PTPRE: variants seen among roughly 807,000 people sequenced by gnomAD.
The protein encoded by PTPRE is receptor-type tyrosine-protein phosphatase epsilon.
In PTPRE, 51 loss-of-function variants were observed where a neutral mutation model predicts 102.0. The ratio of observed to expected loss-of-function variants is 0.50; its 90% confidence interval spans 0.40 to 0.63. The LOEUF (loss-of-function observed/expected upper bound fraction) is 0.63, where lower values mean the gene tolerates loss of function less well. PTPRE is among the 30% of genes least tolerant of loss of function. The probability of loss-of-function intolerance (pLI) is 0.00; values close to 1 mark genes in which losing one functional copy is unlikely to be tolerated. For missense variants in PTPRE, 752 were observed against 915.1 expected, an observed-to-expected ratio of 0.82 and a Z score of 2.30; for synonymous variants, 345 against 348.2, an observed-to-expected ratio of 0.99 and a Z score of 0.10.
At chr10:127,989,056 A>T (rs1050701106) in intron 2 of PTPRE, among the ~76,000 whole-genome samples, 1 of 152,168 alleles carries the variant, frequency 6.6e-6, no homozygotes, top group South Asian at 2.1e-4. Context: ...AACAACTTTT[A>T]AAAAATATGT....
chr10:128,032,626 G>T (rs57684122), intron 2 of PTPRE, among the ~76,000 whole-genome samples: 123 of 152,344 alleles, frequency 8.1e-4, no homozygotes, highest in African/African-American at 2.8e-3. Flanking sequence ...TGGCCTCCCA[G>T]TGTGGCGGGA....
chr10:128,022,441 A>C (rs1405481633), intron 2 of PTPRE, among the ~76,000 whole-genome samples: 1 of 152,248 alleles, frequency 6.6e-6, no homozygotes, highest in Non-Finnish European at 1.5e-5. Context: ...GCTCGGGTCC[A>C]GAACAGGAGT....
chr10:127,970,909 C>T (rs1241996928), intron 1 of PTPRE, among the ~76,000 whole-genome samples: 3 of 152,070 alleles, frequency 2.0e-5, no homozygotes, highest in African/African-American at 4.8e-5. Flanking sequence ...CAAAAATAAA[C>T]CATCCCTCCA....
intron 2 of PTPRE, among the ~76,000 whole-genome samples, chr10:128,000,751 A>T (rs1170254794): frequency 1.3e-5 from 2 of 152,184 alleles, no homozygotes; most frequent in African/African-American, 4.8e-5. Context: ...TTTCTTTCCT[A>T]CAAAGTGAAG....
chr10:127,982,673 G>A (rs377509566), intron 2 of PTPRE, among the ~76,000 whole-genome samples: 1 of 152,128 alleles, frequency 6.6e-6, no homozygotes, highest in Non-Finnish European at 1.5e-5. Context: ...GTTCAGGAGC[G>A]CAGGGGCACA....
chr10:127,935,327 C>G (rs1847770717), intron 1 of PTPRE, among the ~76,000 whole-genome samples: 1 of 152,184 alleles, frequency 6.6e-6, no homozygotes, highest in Non-Finnish European at 1.5e-5. Context: ...AAATCAACCC[C>G]GGGGCATCTC....
At position 128,068,136 on chromosome 10, in the gene PTPRE, G is replaced by C; in HGVS notation, c.857G>C (p.Gly286Ala). The change falls in exon 12 of 21, where the codon GGC (glycine) becomes GCC (alanine). Residue 286 changes from glycine to alanine, a missense_variant. Physicochemically the swap from Gly to Ala is moderately conservative, Grantham distance 60. Transcript: ENST00000254667. ...CGTCCCCCGCAGCAGCTCCCCGACG[G>C]CTGCAAAGCCCCCAGGCTGGTCTCA... ...KFCIQPQLPD[G>A]CKAPRLVSQL... 1 of 1,612,706 alleles carries C rather than the reference G, an allele frequency of 6.2e-7. No homozygotes were observed. Among genetic ancestry groups the C allele is most frequent in the Non-Finnish European group, 8.5e-7 (1 of 1,179,170 alleles).
At chr10:127,940,226 C>T (rs1848141364) in intron 1 of PTPRE, among the ~76,000 whole-genome samples, 1 of 152,110 alleles carries the variant, frequency 6.6e-6, no homozygotes, top group South Asian at 2.1e-4. Flanking sequence ...ATCCCAGGAC[C>T]TCTCTCTAAA....
chr10:127,972,384 G>A (rs774755133), intron 1 of PTPRE, among the ~76,000 whole-genome samples: 14 of 152,200 alleles, frequency 9.2e-5, no homozygotes, highest in Non-Finnish European at 1.3e-4. Flanking sequence ...GTGACTTCAC[G>A]CATGTTACTT....
chr10:127,952,099 G>T (rs933313471), intron 1 of PTPRE, among the ~76,000 whole-genome samples: 1 of 152,044 alleles, frequency 6.6e-6, no homozygotes, highest in Non-Finnish European at 1.5e-5. Flanking sequence ...CCACCTCAGG[G>T]GTATATCAGT....
intron 1 of PTPRE, chr10:127,936,039 G>A (rs1847824211): frequency 6.6e-6 from 1 of 152,208 alleles, no homozygotes; most frequent in Non-Finnish European, 1.5e-5. Flanking sequence ...CTCCTTTCAC[G>A]GCAAAGCATT....
At chr10:127,936,226 T>A (rs1363747770) in intron 1 of PTPRE, 1 of 152,172 alleles carries the variant, frequency 6.6e-6, no homozygotes, top group Non-Finnish European at 1.5e-5. Flanking sequence ...TCTTACACTT[T>A]AAAAAGACAA....
rs1317619522 is a variant in PTPRE, at chr10:128,008,746, T to C, written c.-8+26450T>C. 6.6e-6 allele frequency among the ~76,000 whole-genome samples: 1 copy of C among 152,192 alleles called. No individual in the cohort carries two copies. The highest frequency in any genetic ancestry group is 1.5e-5 in the Non-Finnish European group (1 of 68,038). ...ATCAGGGGCACAGAGCTGCCAGCCCTTTCTCAGAAGCACATCAGCTGAATA... is the reference window on the plus strand; with the variant it reads ...ATCAGGGGCACAGAGCTGCCAGCCCCTTCTCAGAAGCACATCAGCTGAATA... On this transcript the variant is annotated intron_variant, in intron 2 of 20. Transcript: ENST00000254667. The surrounding 1 kb of genome is among the most constrained non-coding windows in gnomAD (Gnocchi z 4.0).
intron 2 of PTPRE, among the ~76,000 whole-genome samples, chr10:128,001,249 G>A (rs1853857513): frequency 6.6e-6 from 1 of 152,080 alleles, no homozygotes; most frequent in Admixed American, 6.5e-5. Context: ...GACATCACAT[G>A]GAAACCAGGG....
In PTPRE at chr10:127,955,636, T is replaced by C. The variant is rs559489084; in HGVS notation, c.-30-26638T>C. Among the ~76,000 whole-genome samples the C allele has an allele frequency of 2.7e-4, 41 of 152,358 alleles. No homozygotes were observed. In the South Asian group the frequency reaches 8.3e-3, roughly 31 times the overall value. On this transcript the variant is annotated intron_variant, in intron 1 of 20. Coordinates refer to ENST00000254667, the MANE Select transcript of PTPRE (RefSeq NM_006504.6). ...ATCATAGTATTTAAGTCATGAGATA[T>C]AAGGAGAAGAGTAAACATCATGCAA... is the stretch of plus-strand genomic sequence containing the variant.
At chr10:128,010,209 T>C (rs1210436014) in intron 2 of PTPRE, among the ~76,000 whole-genome samples, 1 of 152,204 alleles carries the variant, frequency 6.6e-6, no homozygotes, top group Non-Finnish European at 1.5e-5. Flanking sequence ...CCCTCTGTTC[T>C]CACACCAGAG....
At chr10:127,947,938 C>CA (rs1848743773) in intron 1 of PTPRE, among the ~76,000 whole-genome samples, 1 of 152,134 alleles carries the variant, frequency 6.6e-6, no homozygotes, top group Non-Finnish European at 1.5e-5. Flanking sequence ...GCCAACCCCC[C>CA]AATAAATACC....
Position 127,966,386 on chromosome 10 carries a change from T to C in PTPRE, c.-30-15888T>C, listed in dbSNP as rs574533155. On this transcript the variant is annotated intron_variant, in intron 1 of 20. Transcript: ENST00000254667. ...TTCTCAGATATCACATATTGGCAGA[T>C]ATTACAGCCAAAATACACATAGAGG... Among the ~76,000 whole-genome samples, 5 of 152,264 alleles carry C rather than the reference T, an allele frequency of 3.3e-5. No individual in the cohort carries two copies. The South Asian group carries it at 1.0e-3, about 32-fold the overall frequency.
rs769567400 is a variant in PTPRE at position 128,047,448 on chromosome 10, G to GCTC, written c.178_180dup (p.Leu60dup). The GCTC allele has an allele frequency of 1.9e-6, 3 of 1,613,366 alleles. No homozygotes were observed. Among genetic ancestry groups the GCTC allele is most frequent in the Non-Finnish European group, 2.5e-6 (3 of 1,180,038 alleles). ...TGGCCTGGCTGCTACTGCCGCTGCTGCTCCTCCTCCTCGTGCTCCTTCTCG... is the reference window on the plus strand; with the variant it reads ...TGGCCTGGCTGCTACTGCCGCTGCTGCTCCTCCTCCTCCTCGTGCTCCTTCTCG... On this transcript the variant is annotated inframe_insertion, in exon 4 of 21. Coordinates refer to ENST00000254667, the MANE Select transcript of PTPRE (RefSeq NM_006504.6).
Sources: allele counts gnomAD v4.1 joint callset (sites outside exome capture counted in the v4.1 genomes callset), GRCh38; gene constraint gnomAD v4.1.1; non-coding constraint Gnocchi (gnomAD v3.1); transcripts MANE v1.5; gene names NCBI Gene and HGNC (gene_info 2026-07-23, HGNC 2026-07-21).